Variants in MEF2C observed in about 807,000 individuals in gnomAD.
MEF2C encodes the protein myocyte enhancer factor 2C.
In MEF2C, 6 loss-of-function variants were observed where a neutral mutation model predicts 50.5. That is an observed-to-expected ratio of 0.12 (90% CI 0.07 to 0.23). The LOEUF (loss-of-function observed/expected upper bound fraction) is 0.23, where lower values mean the gene tolerates loss of function less well. MEF2C is among the 10% of genes least tolerant of loss of function. MEF2C has a pLI of 1.00. For synonymous variants in MEF2C, 183 were observed against 228.0 expected (o/e 0.80, Z 1.78); for missense variants, 276 against 605.0 (o/e 0.46, Z 5.70).
At chr5:88,819,489 C>A (rs1396608459) in intron 2 of MEF2C, 2 of 577,104 alleles carry the variant, frequency 3.5e-6, no homozygotes. Context: ...TCCTTCAGCT[C>A]CTCAGTCAAG....
At position 88,821,258 on chromosome 5, in the gene MEF2C, CTTTG is replaced by C. The variant is rs565087578; in HGVS notation, c.54+2473_54+2476del. 1.9e-3 allele frequency among the ~76,000 whole-genome samples: 294 copies of C among 151,724 alleles called. 8 individuals carry two copies. Among genetic ancestry groups the C allele is most frequent in the Admixed American group, 0.019 (283 of 15,182 alleles). On this transcript the variant is annotated intron_variant, in intron 2 of 10. Coordinates refer to ENST00000504921, the MANE Select transcript of MEF2C (RefSeq NM_002397.5). ...AGCTCAAAAGTGCGACATTAAGATT[CTTTG>C]TTTGTTTGTTTTTTGTTTTTTTGAG... is the stretch of plus-strand genomic sequence containing the variant.
At chr5:88,894,662 G>A (rs1045034584) in intron 1 of MEF2C, among the ~76,000 whole-genome samples, 61 of 152,208 alleles carry the variant, frequency 4.0e-4, no homozygotes, top group African/African-American at 1.4e-3. Context: ...TTTGATATTT[G>A]TCTCATAAAT....
intron 1 of MEF2C, among the ~76,000 whole-genome samples, chr5:88,893,464 C>T (rs1314536027): frequency 1.3e-5 from 2 of 152,018 alleles, no homozygotes; most frequent in East Asian, 3.9e-4. Context: ...CTGAGGTAAT[C>T]CGCCCACTTT....
intron 1 of MEF2C, among the ~76,000 whole-genome samples, chr5:88,899,154 T>C (rs1248962238): frequency 6.6e-6 from 1 of 152,162 alleles, no homozygotes; most frequent in Non-Finnish European, 1.5e-5. Context: ...GAATGAGACT[T>C]TTTGTATTAT....
intron 1 of MEF2C, among the ~76,000 whole-genome samples, chr5:88,852,901 C>G (rs534767886): frequency 6.2e-4 from 91 of 146,920 alleles, no homozygotes; most frequent in Non-Finnish European, 1.2e-3. Flanking sequence ...GGGGACAGGG[C>G]AAGACTCTGT....
At chr5:88,795,684 A>G (rs1297447528) in intron 3 of MEF2C, among the ~76,000 whole-genome samples, 1 of 152,168 alleles carries the variant, frequency 6.6e-6, no homozygotes, top group Non-Finnish European at 1.5e-5. Context: ...TATGTTGAAT[A>G]GGAGTGGTGA....
At chr5:88,790,902 A>T (rs1793453534) in intron 3 of MEF2C, among the ~76,000 whole-genome samples, 1 of 151,982 alleles carries the variant, frequency 6.6e-6, no homozygotes, top group African/African-American at 2.4e-5. Context: ...ACAAAAACAA[A>T]CCCCCCAAAA....
chr5:88,746,401 A>C, intron 6 of MEF2C: 1 of 537,014 alleles, frequency 1.9e-6, no homozygotes, highest in Non-Finnish European at 2.4e-6. Context: ...ATAAATGTTC[A>C]ATTTACTTCC....
At chr5:88,862,550 A>G (rs1292706715) in intron 1 of MEF2C, among the ~76,000 whole-genome samples, 1 of 152,176 alleles carries the variant, frequency 6.6e-6, no homozygotes, top group Non-Finnish European at 1.5e-5. Context: ...CAAGAAGGAA[A>G]AAAAAAACCC....
chr5:88,789,201 C>G (rs1204549350), intron 3 of MEF2C, among the ~76,000 whole-genome samples: 1 of 149,572 alleles, frequency 6.7e-6, no homozygotes, highest in Non-Finnish European at 1.5e-5. Flanking sequence ...GAGTCTTGCT[C>G]TGTCACTCAG....
chr5:88,780,201 T>C (rs1787222886), intron 3 of MEF2C, among the ~76,000 whole-genome samples: 1 of 152,138 alleles, frequency 6.6e-6, no homozygotes, highest in African/African-American at 2.4e-5. Context: ...TTTTCTTTAA[T>C]ATAAATAAAA....
chr5:88,856,596 G>A (rs1257779026), intron 1 of MEF2C, among the ~76,000 whole-genome samples: 4 of 152,248 alleles, frequency 2.6e-5, no homozygotes, highest in African/African-American at 9.6e-5. Context: ...CCAGGCCCAA[G>A]ACCTTGCTGC....
intron 6 of MEF2C, chr5:88,741,145 G>A: frequency 3.0e-6 from 3 of 985,372 alleles, no homozygotes; most frequent in Non-Finnish European, 3.6e-6. Flanking sequence ...GCCCCGTGCT[G>A]GACATCTCTG....
intron 1 of MEF2C, among the ~76,000 whole-genome samples, chr5:88,872,817 G>C (rs189133570): frequency 6.6e-6 from 1 of 151,878 alleles, no homozygotes; most frequent in African/African-American, 2.4e-5. Flanking sequence ...ATGGGAGGCT[G>C]GCTTTTGAAC....
chr5:88,788,386 T>C (rs1407396248), intron 3 of MEF2C, among the ~76,000 whole-genome samples: 1 of 151,820 alleles, frequency 6.6e-6, no homozygotes, highest in African/African-American at 2.4e-5. Flanking sequence ...TTTTTTGTAT[T>C]TTTAGTAGAG....
At chr5:88,897,987 C>G (rs1460929471) in intron 1 of MEF2C, among the ~76,000 whole-genome samples, 3 of 152,162 alleles carry the variant, frequency 2.0e-5, no homozygotes, top group Admixed American at 2.0e-4. Context: ...TGCATTATAA[C>G]AGGCTCCTCA....
At chr5:88,761,368 G>T in intron 3 of MEF2C, 40 bp from the exon 4 acceptor site, 2 of 1,584,880 alleles carry the variant, frequency 1.3e-6, no homozygotes, top group Non-Finnish European at 1.7e-6. Flanking sequence ...CTAGACAAAG[G>T]CTGTAAGAGA....
At chr5:88,817,500 G>A (rs1236613544) in intron 2 of MEF2C, among the ~76,000 whole-genome samples, 1 of 151,848 alleles carries the variant, frequency 6.6e-6, no homozygotes, top group African/African-American at 2.4e-5. Context: ...TAAGAAGAGG[G>A]AAAGTTAGAA....
chr5:88,762,859 C>G (rs1778470519), intron 3 of MEF2C, among the ~76,000 whole-genome samples: 1 of 152,094 alleles, frequency 6.6e-6, no homozygotes, highest in Non-Finnish European at 1.5e-5. Flanking sequence ...TGACATCAAG[C>G]TAAGGAATTC....
Sources: gnomAD v4.1 joint callset for allele counts (sites outside exome capture counted in the v4.1 genomes callset) on GRCh38, gnomAD v4.1.1 for gene constraint, MANE v1.5 for transcripts, NCBI Gene and HGNC (gene_info 2026-07-23, HGNC 2026-07-21) for gene names.